QKI: variants seen among roughly 807,000 people sequenced by gnomAD.
QKI encodes QKI, KH domain containing RNA binding.
In QKI, 10 loss-of-function variants were observed where a neutral mutation model predicts 39.0. That is an observed-to-expected ratio of 0.26 (90% CI 0.16 to 0.43). The LOEUF is 0.43. QKI is among the 20% of genes least tolerant of loss of function. The pLI is 1.00. For missense variants in QKI, 218 were observed against 428.0 expected, an observed-to-expected ratio of 0.51 and a Z score of 4.33; for synonymous variants, 204 against 155.4, an observed-to-expected ratio of 1.31 and a Z score of -2.33.
intron 3 of QKI, among the ~76,000 whole-genome samples, chr6:163,485,953 A>C (rs1037332247): frequency 4.6e-5 from 7 of 151,948 alleles, no homozygotes; most frequent in Non-Finnish European, 8.8e-5. Context: ...ACAAACAAAA[A>C]CCTCATGTTT....
intron 1 of QKI, among the ~76,000 whole-genome samples, chr6:163,452,209 T>A (rs189706203): frequency 1.2e-4 from 18 of 152,334 alleles, no homozygotes; most frequent in Admixed American, 1.1e-3. Flanking sequence ...ATGCTGATGA[T>A]TTTCTACTTT....
chr6:163,489,016 TTGTG>T (rs66777204), intron 3 of QKI, among the ~76,000 whole-genome samples: 10,445 of 150,514 alleles, frequency 0.069, 418 homozygotes, highest in South Asian at 0.086. Context: ...TGTAACAGTT[TTGTG>T]TGTGTATCTG....
intron 4 of QKI, among the ~76,000 whole-genome samples, chr6:163,554,859 C>G (rs1023907964): frequency 1.3e-5 from 2 of 152,224 alleles, no homozygotes; most frequent in African/African-American, 4.8e-5. Context: ...TGACCTATCT[C>G]AGTAATCACG....
chr6:163,545,760 G>C (rs1292591145), intron 4 of QKI, among the ~76,000 whole-genome samples: 3 of 151,552 alleles, frequency 2.0e-5, no homozygotes, highest in Non-Finnish European at 2.9e-5. Flanking sequence ...TAGACATCTT[G>C]TAATTCTAAA....
chr6:163,551,976 CA>C (rs763658594), intron 4 of QKI, among the ~76,000 whole-genome samples: 9 of 152,084 alleles, frequency 5.9e-5, no homozygotes, highest in Non-Finnish European at 1.2e-4. Context: ...GTTGAAAATC[CA>C]CGTATAATTT....
intron 2 of QKI, among the ~76,000 whole-genome samples, chr6:163,464,532 T>G (rs1323432432): frequency 6.6e-6 from 1 of 151,916 alleles, no homozygotes; most frequent in Non-Finnish European, 1.5e-5. Flanking sequence ...ATAGAAATAA[T>G]AAGATCATAA....
chr6:163,467,513 G>C (rs770356560), intron 2 of QKI, among the ~76,000 whole-genome samples: 1 of 152,072 alleles, frequency 6.6e-6, no homozygotes. Context: ...TTTTTGTTTT[G>C]TTTTTACATA....
intron 6 of QKI, chr6:163,564,577 G>C: frequency 1.2e-6 from 2 of 1,601,900 alleles, no homozygotes; most frequent in South Asian, 1.1e-5. Context: ...ACTTAAGGCA[G>C]AAATTAAAAT....
chr6:163,515,219 CA>C (rs1247096191), intron 3 of QKI, among the ~76,000 whole-genome samples: 3 of 152,038 alleles, frequency 2.0e-5, no homozygotes, highest in African/African-American at 7.3e-5. Context: ...TCAATGTTAT[CA>C]AAGCTATGTC....
chr6:163,529,280 C>T (rs1323926038), intron 3 of QKI, among the ~76,000 whole-genome samples: 1 of 152,148 alleles, frequency 6.6e-6, no homozygotes, highest in Non-Finnish European at 1.5e-5. Context: ...TACAGCAGAG[C>T]ACTGTGGGAA....
At chr6:163,418,287 C>G (rs937054008) in intron 1 of QKI, among the ~76,000 whole-genome samples, 4 of 151,884 alleles carry the variant, frequency 2.6e-5, no homozygotes, top group South Asian at 4.1e-4. Flanking sequence ...AAAGAATAAG[C>G]TTTTTAAAAA....
chr6:163,558,459 G>A (rs1332421139), intron 4 of QKI, among the ~76,000 whole-genome samples: 1 of 150,296 alleles, frequency 6.7e-6, no homozygotes, highest in Non-Finnish European at 1.5e-5. Context: ...GAGTGCAACG[G>A]CGCGATGTCG....
At chr6:163,508,827 G>A (rs1779260979) in intron 3 of QKI, among the ~76,000 whole-genome samples, 1 of 151,586 alleles carries the variant, frequency 6.6e-6, no homozygotes, top group Non-Finnish European at 1.5e-5. Context: ...CCGTGCTTGG[G>A]CACTTTTACC....
intron 2 of QKI, among the ~76,000 whole-genome samples, chr6:163,478,249 C>G (rs952402581): frequency 1.3e-5 from 2 of 152,164 alleles, no homozygotes; most frequent in Admixed American, 6.6e-5. Context: ...AATATGTACT[C>G]TTAAGACACA....
intron 1 of QKI, among the ~76,000 whole-genome samples, chr6:163,442,673 G>T (rs1309345150): frequency 1.3e-5 from 2 of 152,168 alleles, no homozygotes; most frequent in African/African-American, 2.4e-5. Flanking sequence ...GAATGGACTT[G>T]ACATTGTGTC....
rs1256754805 is a variant in QKI at position 163,415,074 on chromosome 6, C to G, written c.-120C>G. On this transcript the variant is annotated 5_prime_UTR_variant, in exon 1 of 8. Transcript: ENST00000361752. ...TCGGCGCGGGAGCCAGAGCGGGAGC[C>G]GGCGCGGAGCGGGACGCCGGGTCCC... is the stretch of plus-strand genomic sequence containing the variant. 3 of 940,476 alleles carry G rather than the reference C, an allele frequency of 3.2e-6. No homozygotes were observed. Among genetic ancestry groups the G allele is most frequent in the Non-Finnish European group, 3.8e-6 (3 of 790,762 alleles). 58.3% of individuals were successfully genotyped at this position (940,476 alleles called of 1,614,324 possible).
At chr6:163,569,961 A>G in intron 7 of QKI, 8 of 986,436 alleles carry the variant, frequency 8.1e-6, no homozygotes, top group Non-Finnish European at 9.6e-6. Flanking sequence ...TATGTGTAAA[A>G]TAGTATTTTC....
chr6:163,524,131 C>T (rs556866731), intron 3 of QKI, among the ~76,000 whole-genome samples: 3 of 152,232 alleles, frequency 2.0e-5, no homozygotes, highest in East Asian at 1.9e-4. Flanking sequence ...GAAACTGTAC[C>T]GGTCGTCCTT....
chr6:163,512,176 G>A (rs1294381615), intron 3 of QKI, among the ~76,000 whole-genome samples: 1 of 151,954 alleles, frequency 6.6e-6, no homozygotes, highest in African/African-American at 2.4e-5. Flanking sequence ...AGCAAACTTA[G>A]AAGGAAACTT....
Sources: allele counts gnomAD v4.1 joint callset (sites outside exome capture counted in the v4.1 genomes callset), GRCh38; gene constraint gnomAD v4.1.1; transcripts MANE v1.5; gene names NCBI Gene and HGNC (gene_info 2026-07-23, HGNC 2026-07-21).